RORC: variants seen among roughly 807,000 people sequenced by gnomAD.
The protein encoded by RORC is RAR related orphan receptor C, also known as nuclear receptor ROR-gamma.
RORC carries 13 observed loss-of-function variants against 64.5 expected under a neutral mutation model. The ratio of observed to expected loss-of-function variants is 0.20; its 90% confidence interval spans 0.13 to 0.32. The LOEUF (loss-of-function observed/expected upper bound fraction) is 0.32, where lower values mean the gene tolerates loss of function less well. Among genes scored for constraint, RORC ranks in the 10% least tolerant of loss-of-function variants. The pLI, the probability that RORC is intolerant of heterozygous loss-of-function variation, is 1.00. For missense variants in RORC, 468 were observed against 669.5 expected (o/e 0.70, Z 3.32); for synonymous variants, 277 against 259.3 (o/e 1.07, Z -0.65).
rs898429056 is a variant in RORC at position 151,812,816 on chromosome 1, T to C, written c.1285+131A>G. On this transcript the variant is annotated intron_variant, in intron 9 of 10. Coordinates refer to ENST00000318247, the MANE Select transcript of RORC (RefSeq NM_005060.4). ...AACTCATTTTATTTTATAGCAATACTGAGTAGGGCTCATTCTGCTATTTAA... is the reference window on the plus strand; with the variant it reads ...AACTCATTTTATTTTATAGCAATACCGAGTAGGGCTCATTCTGCTATTTAA... The C allele has an allele frequency of 4.9e-6, 3 of 612,796 alleles. No homozygotes were observed. In the African/African-American group the frequency reaches 5.6e-5, roughly 11 times the overall value. The allele number at this position is 612,796 out of a possible 1,614,324, so 38.0% of individuals were successfully genotyped here.
chr1:151,807,534 G>A lies in RORC; in HGVS notation c.1495C>T (p.Pro499Ser). ...CTGAAGAGCTCCTTGTAGAGTGGAG[G>A]GAAAGCGGCTTGGACCACGATGGGG... is the stretch of plus-strand genomic sequence containing the variant. The part of the protein sequence containing the change: ...LHPIVVQAAF[P>S]PLYKELFSTE... The change falls in exon 11 of 11, where the codon CCT becomes TCT. Residue 499 changes from proline (P) to serine (S), a missense_variant. Pro to Ser is a moderately conservative substitution (Grantham distance 74). Coordinates refer to ENST00000318247, the MANE Select transcript of RORC (RefSeq NM_005060.4). The surrounding 1 kb of genome is among the most constrained non-coding windows in gnomAD (Gnocchi z 5.0). The A allele has an allele frequency of 6.2e-7, 1 of 1,614,148 alleles. No homozygotes were observed. Among genetic ancestry groups the A allele is most frequent in the Non-Finnish European group, 8.5e-7 (1 of 1,179,972 alleles).
In RORC at chr1:151,807,687, C is replaced by G. The variant is rs1279070153; in HGVS notation, c.1396-54G>C. 5 of 1,580,874 alleles carry G rather than the reference C, an allele frequency of 3.2e-6. No individual in the cohort carries two copies. Among genetic ancestry groups the G allele is most frequent in the Non-Finnish European group, 4.3e-6 (5 of 1,156,522 alleles). ...GTCAATACTTCAGCTCTCCTCAGAG[C>G]AAAGAAGTCCGCTCATTCTTCCTGG... is the stretch of plus-strand genomic sequence containing the variant. On this transcript the variant is annotated intron_variant, in intron 10 of 10. Transcript: ENST00000318247. This position sits in a 1 kb window ranked among gnomAD's most constrained non-coding sequence, Gnocchi z 5.0.
Position 151,813,285 on chromosome 1 carries a change from G to A in RORC, c.1128C>T (p.Val376=). The part of the protein sequence containing the change: ...CRAYNADNRT[V]FFEGKYGGME... ...TGCCACCGTATTTGCCTTCAAAAAA[G>A]ACCGTGCGGTTGTCAGCATTGTAGG... is the stretch of plus-strand genomic sequence containing the variant. The change falls in exon 8 of 11, where the codon GTC becomes GTT. Residue 376 remains valine, a synonymous_variant. Transcript: ENST00000318247. The A allele has an allele frequency of 6.2e-7, 1 of 1,614,168 alleles. No homozygotes were observed. Among genetic ancestry groups the A allele is most frequent in the South Asian group, 1.1e-5 (1 of 91,082 alleles).
At chr1:151,817,379 A>C in intron 2 of RORC, 99 bp from the exon 3 acceptor site, 1 of 781,318 alleles carries the variant, frequency 1.3e-6, no homozygotes, top group Admixed American at 2.0e-5. Flanking sequence ...TGCTTCCACT[A>C]CTTCTCCAAC....
chr1:151,817,690 G>A (rs761299517), intron 2 of RORC, among the ~76,000 whole-genome samples: 1 of 152,246 alleles, frequency 6.6e-6, no homozygotes, highest in South Asian at 2.1e-4. Context: ...TCCCTCCCTC[G>A]CTGGGGCTCA....
rs767984181 is a variant in RORC at position 151,815,351 on chromosome 1, G to A, written c.373C>T (p.Arg125Trp). Residue 125 changes from arginine to tryptophan, a missense_variant, in exon 5 of 11, where the codon CGG (arginine) becomes TGG (tryptophan). By Grantham distance (101) the Arg-to-Trp change is moderately radical (BLOSUM62 -3). Coordinates refer to ENST00000318247, the MANE Select transcript of RORC (RefSeq NM_005060.4). ...HAEVQKQLQQRQQQQQEPVVK... is the reference protein window; with the variant it reads ...HAEVQKQLQQWQQQQQEPVVK... ...ACTGGTTCCTGTTGCTGCTGTTGCC[G>A]CTGCTGCAGCTGTTTCTGCACTTCT... The A allele has an allele frequency of 5.7e-6, 9 of 1,581,970 alleles. No homozygotes were observed. The highest frequency in any genetic ancestry group is 4.5e-5 in the East Asian group (2 of 44,562).
intron 9 of RORC, chr1:151,811,961 G>C (rs189160103): frequency 6.6e-6 from 1 of 152,438 alleles, no homozygotes; most frequent in African/African-American, 2.4e-5. Context: ...AGAGCCAGAA[G>C]ACTGATAGTC....
rs2101649238 is a variant in RORC at position 151,807,622 on chromosome 1, C to G, written c.1407G>C (p.Lys469Asn). 1.2e-6 allele frequency: 2 copies of G among 1,614,150 alleles called. No individual in the cohort carries two copies. The highest frequency in any genetic ancestry group is 1.7e-6 in the Non-Finnish European group (2 of 1,180,012). The change falls in exon 11 of 11, where the codon AAG (lysine) becomes AAC (asparagine). Residue 469 changes from lysine to asparagine, a missense_variant. By Grantham distance (94) the Lys-to-Asn change is moderately conservative. Transcript: ENST00000318247. The surrounding 1 kb of genome is among the most constrained non-coding windows in gnomAD (Gnocchi z 5.0). ...GGCTACACAGGCTCCGAAGCTTCCC[C>G]TTGGGTGGCAGCTGGATATGGGTTA... is the stretch of plus-strand genomic sequence containing the variant. ...RQSILAKLPP[K>N]GKLRSLCSQH...
rs774691650 is a variant in RORC at position 151,813,005 on chromosome 1, G to A, written c.1227C>T (p.Ala409=). The A allele has an allele frequency of 3.7e-6, 6 of 1,613,912 alleles. No homozygotes were observed. The African/African-American group carries it at 6.7e-5, about 18-fold the overall frequency. ...SIFDFSHSLS[A]LHFSEDEIAL... is the part of the protein sequence containing the mutation. ...CAATCTCATCCTCGGAAAAGTGCAAGGCACTTAGGGAGTGGGAGAAGTCAA... is the reference window on the plus strand; with the variant it reads ...CAATCTCATCCTCGGAAAAGTGCAAAGCACTTAGGGAGTGGGAGAAGTCAA... The change falls in exon 9 of 11, where the codon GCC becomes GCT. Residue 409 remains alanine, a synonymous_variant. Coordinates refer to ENST00000318247, the MANE Select transcript of RORC (RefSeq NM_005060.4).
chr1:151,828,148 A>G, intron 2 of RORC, among the ~76,000 whole-genome samples: 1 of 152,152 alleles, frequency 6.6e-6, no homozygotes, highest in East Asian at 1.9e-4. Context: ...CTCATGGAGA[A>G]GGGCAATGCT....
intron 10 of RORC, 101 bp downstream of exon 10, chr1:151,811,224 G>A (rs1346616424): frequency 7.5e-6 from 5 of 662,970 alleles, no homozygotes; most frequent in Admixed American, 2.5e-5. Context: ...TGGTACTCCC[G>A]CACTCCCTCC....
chr1:151,817,147 T>C (rs1470116213), intron 3 of RORC, 48 bp downstream of exon 3: 14 of 1,080,604 alleles, frequency 1.3e-5, no homozygotes, highest in Non-Finnish European at 1.9e-5. Flanking sequence ...CGCGCGCGCT[T>C]GTGTATGCAC....
At chr1:151,810,517 T>G (rs745696121) in intron 10 of RORC, among the ~76,000 whole-genome samples, 1 of 150,346 alleles carries the variant, frequency 6.7e-6, no homozygotes, top group East Asian at 2.0e-4. Context: ...TGAAGTCTCC[T>G]GATAGCTACA....
At chr1:151,810,063 G>A (rs1436787800) in intron 10 of RORC, among the ~76,000 whole-genome samples, 6 of 152,038 alleles carry the variant, frequency 3.9e-5, no homozygotes, top group Admixed American at 3.9e-4. Flanking sequence ...TACCATGAGT[G>A]ATTCTCCACA....
chr1:151,829,104 C>G (rs1429730474), intron 2 of RORC, among the ~76,000 whole-genome samples: 1 of 151,572 alleles, frequency 6.6e-6, no homozygotes, highest in African/African-American at 2.4e-5. Context: ...CCTTCCCCGG[C>G]CTGGCAGTCG....
At chr1:151,809,654 G>T (rs1521177) in intron 10 of RORC, among the ~76,000 whole-genome samples, 88,528 of 151,880 alleles carry the variant, frequency 0.58, 26,443 homozygotes, top group East Asian at 0.71. Context: ...CCAACCGGAT[G>T]TGCTTTCCAA....
intron 2 of RORC, chr1:151,826,082 C>G: frequency 6.7e-7 from 1 of 1,482,652 alleles, no homozygotes; most frequent in Non-Finnish European, 8.9e-7. Context: ...CTCTCTCCCC[C>G]AGTGCTTCTG....
At chr1:151,811,264 A>C (rs1572034916) in intron 10 of RORC, 61 bp downstream of exon 10, 1 of 1,115,532 alleles carries the variant, frequency 9.0e-7, no homozygotes, top group Non-Finnish European at 1.4e-6. Context: ...GCCCTCGCAA[A>C]CTCTGATGTT....
chr1:151,817,115 T>TGTGTGG, intron 3 of RORC, 80 bp downstream of exon 3: 2 of 859,980 alleles, frequency 2.3e-6, no homozygotes, highest in Non-Finnish European at 4.0e-6. Context: ...GGAGACACTG[T>TGTGTGG]GTGTGTGTGT....
Sources: allele counts gnomAD v4.1 joint callset (sites outside exome capture counted in the v4.1 genomes callset), GRCh38; gene constraint gnomAD v4.1.1; non-coding constraint Gnocchi (gnomAD v3.1); transcripts MANE v1.5; gene names NCBI Gene and HGNC (gene_info 2026-07-23, HGNC 2026-07-21).